Variants in RFC3 observed in about 807,000 individuals in gnomAD.
RFC3 encodes the protein replication factor C subunit 3.
Under a neutral mutation model 45.1 loss-of-function variants are expected in RFC3, and 41 were observed. That is an observed-to-expected ratio of 0.91 (90% CI 0.71 to 1.18). The LOEUF (loss-of-function observed/expected upper bound fraction) is 1.18, where lower values mean the gene tolerates loss of function less well. Ranked by LOEUF, RFC3 falls within the 50% of genes most tolerant of loss-of-function variation. The pLI, the probability that RFC3 is intolerant of heterozygous loss-of-function variation, is 0.00. For synonymous variants in RFC3, 149 were observed against 144.0 expected (o/e 1.03, Z -0.25); for missense variants, 423 against 428.1 (o/e 0.99, Z 0.10).
intron 8 of RFC3, among the ~76,000 whole-genome samples, chr13:33,895,051 T>C (rs1410069700): frequency 1.3e-5 from 2 of 152,150 alleles, no homozygotes; most frequent in African/African-American, 4.8e-5. Context: ...ATAAAAATTC[T>C]AGAAGAAAAC....
In RFC3 at chr13:33,829,854, T is replaced by C. The variant is rs757642535; in HGVS notation, c.410T>C (p.Val137Ala). Residue 137 changes from valine to alanine, a missense_variant, in exon 5 of 9, where the codon GTT (valine) becomes GCT (alanine). Physicochemically the swap from Val to Ala is moderately conservative, Grantham distance 64 (BLOSUM62 0). Coordinates refer to ENST00000380071, the MANE Select transcript of RFC3 (RefSeq NM_002915.4). ...GACTCAGTGGTATTATTGACAGAAG[T>C]TGACAAACTCACCAAAGATGCTCAG... The part of the protein sequence containing the change: ...RDFKVVLLTE[V>A]DKLTKDAQHA... 27 of 1,613,930 alleles carry C rather than the reference T, an allele frequency of 1.7e-5. No individual in the cohort carries two copies. Among genetic ancestry groups the C allele is most frequent in the Non-Finnish European group, 2.3e-5 (27 of 1,179,916 alleles).
chr13:33,949,443 A>T (rs2082975092), intron 8 of RFC3, among the ~76,000 whole-genome samples: 2 of 152,220 alleles, frequency 1.3e-5, no homozygotes, highest in South Asian at 4.1e-4. Context: ...GAAAGCTAAA[A>T]ATTTATCATT....
chr13:33,836,125 C>T lies in RFC3; in HGVS notation c.901C>T (p.His301Tyr). The change falls in exon 9 of 9, where the codon CAT becomes TAT. Residue 301 changes from histidine to tyrosine, a missense_variant. Physicochemically the swap from His to Tyr is moderately conservative, Grantham distance 83. Transcript: ENST00000380071. ...TTAGGGCCTTCTCTCAGAACTGTTA[C>T]ATAATTGTGATGGACAACTGAAAGG... is the stretch of plus-strand genomic sequence containing the variant. ...IMKGLLSELL[H>Y]NCDGQLKGEV... 6.2e-7 allele frequency: 1 copy of T among 1,612,506 alleles called. No homozygotes were observed. The highest frequency in any genetic ancestry group is 8.5e-7 in the Non-Finnish European group (1 of 1,178,798).
chr13:33,897,506 A>T (rs2082608390), intron 8 of RFC3, among the ~76,000 whole-genome samples: 1 of 152,120 alleles, frequency 6.6e-6, no homozygotes, highest in Admixed American at 6.6e-5. Flanking sequence ...TAAGAAAAAA[A>T]GAAAGGAGTT....
chr13:33,951,233 A>AT lies in RFC3; in HGVS notation c.880-14837dup, dbSNP rs11336021. On this transcript the variant is annotated intron_variant, in intron 8 of 8. Coordinates refer to the RFC3 transcript ENST00000434425. The stretch of plus-strand genomic sequence containing the variant: ...ATATCACTGGGTATACTATAAGTAC[A>AT]TTTTTTTTTTTTTTTTTGAGACAGA... Among the ~76,000 whole-genome samples, 1,026 of 134,152 alleles carry AT rather than the reference A, an allele frequency of 7.6e-3. 5 individuals carry two copies. The highest frequency in any genetic ancestry group is 0.031 in the East Asian group (144 of 4,614). The allele number at this position is 134,152 out of a possible 152,430, so 88.0% of individuals were successfully genotyped here.
chr13:33,920,629 G>A (rs1261591952), intron 8 of RFC3, among the ~76,000 whole-genome samples: 1 of 151,716 alleles, frequency 6.6e-6, no homozygotes, highest in East Asian at 1.9e-4. Flanking sequence ...TGAGGGGGAT[G>A]TTGCTATGTT....
chr13:33,865,065 GGACAAA>G (rs1478036132), intron 8 of RFC3, among the ~76,000 whole-genome samples: 1 of 152,074 alleles, frequency 6.6e-6, no homozygotes, highest in Non-Finnish European at 1.5e-5. Flanking sequence ...GTCAGAAACT[GGACAAA>G]GATGCAAAAT....
chr13:33,934,174 GA>G lies in RFC3; in HGVS notation c.880-31901del, dbSNP rs200503031. On this transcript the variant is annotated intron_variant, in intron 8 of 8. Coordinates refer to the RFC3 transcript ENST00000434425. ...TAGCAAGACTTCATCTCTACTAAAA[GA>G]AAAAAAAAAAATCTGGGTGCAATGG... Among the ~76,000 whole-genome samples, 552 of 143,880 alleles carry G rather than the reference GA, an allele frequency of 3.8e-3. 1 individual carries two copies. The highest frequency in any genetic ancestry group is 0.014 in the East Asian group (67 of 4,950). 94.4% of individuals were successfully genotyped at this position (143,880 alleles called of 152,430 possible). A position where few individuals can be genotyped will look rare whatever the true frequency, so the allele number is the denominator to read the frequency against.
intron 8 of RFC3, among the ~76,000 whole-genome samples, chr13:33,882,202 T>G (rs2082489617): frequency 6.6e-6 from 1 of 152,260 alleles, no homozygotes; most frequent in Non-Finnish European, 1.5e-5. Context: ...ACCTGAAAAC[T>G]GGCACAGTAT....
chr13:33,962,433 G>A (rs930787447), intron 8 of RFC3, among the ~76,000 whole-genome samples: 2 of 152,058 alleles, frequency 1.3e-5, no homozygotes, highest in Admixed American at 6.6e-5. Flanking sequence ...CAAGTGAATG[G>A]CTTTTGGCTT....
At chr13:33,966,023 T>C (rs2083085964) in intron 8 of RFC3, 1 of 1,169,482 alleles carries the variant, frequency 8.6e-7, no homozygotes, top group African/African-American at 1.5e-5. Context: ...GTATCCTCTA[T>C]GGAATCTCAT....
At chr13:33,885,634 T>A (rs1401672604) in intron 8 of RFC3, among the ~76,000 whole-genome samples, 1 of 152,190 alleles carries the variant, frequency 6.6e-6, no homozygotes, top group Non-Finnish European at 1.5e-5. Context: ...TAAAACAGGA[T>A]GTTTAGCTGA....
At chr13:33,933,290 T>C (rs1469716312) in intron 8 of RFC3, among the ~76,000 whole-genome samples, 1 of 152,262 alleles carries the variant, frequency 6.6e-6, no homozygotes, top group South Asian at 2.1e-4. Flanking sequence ...GAACAAAGAA[T>C]GTGCAATAAC....
intron 8 of RFC3, among the ~76,000 whole-genome samples, chr13:33,897,924 T>C (rs554039472): frequency 1.3e-5 from 2 of 151,962 alleles, no homozygotes; most frequent in South Asian, 4.2e-4. Flanking sequence ...ATAAAAACAT[T>C]AACAATTGCC....
chr13:33,953,032 A>G (rs974023065), intron 8 of RFC3, among the ~76,000 whole-genome samples: 5 of 152,198 alleles, frequency 3.3e-5, no homozygotes, highest in Non-Finnish European at 7.4e-5. Flanking sequence ...TAGAATAAAC[A>G]TGCATACAGT....
intron 7 of RFC3, among the ~76,000 whole-genome samples, chr13:33,834,297 T>C (rs1242592066): frequency 4.5e-5 from 2 of 44,214 alleles, no homozygotes; most frequent in African/African-American, 1.5e-4. Flanking sequence ...CTGTACTGTG[T>C]GTATATATAT....
chr13:33,878,352 A>T (rs2082461338), intron 8 of RFC3, among the ~76,000 whole-genome samples: 2 of 152,302 alleles, frequency 1.3e-5, no homozygotes. Flanking sequence ...AACCCATGAG[A>T]TTAACGAGCT....
At chr13:33,842,889 A>G (rs1036788192) in intron 8 of RFC3, among the ~76,000 whole-genome samples, 5 of 152,162 alleles carry the variant, frequency 3.3e-5, no homozygotes, top group South Asian at 2.1e-4. Context: ...TTAAAAATCT[A>G]TGATTTTATG....
chr13:33,877,457 C>T (rs571019542), intron 8 of RFC3, among the ~76,000 whole-genome samples: 1 of 152,240 alleles, frequency 6.6e-6, no homozygotes, highest in African/African-American at 2.4e-5. Context: ...AGCTCACAAA[C>T]ATAAACAGGA....
Sources: allele counts gnomAD v4.1 joint callset (sites outside exome capture counted in the v4.1 genomes callset), GRCh38; gene constraint gnomAD v4.1.1; transcripts MANE v1.5; gene names NCBI Gene and HGNC (gene_info 2026-07-23, HGNC 2026-07-21).